Variants in GPC5 observed in about 807,000 individuals in gnomAD.
GPC5 encodes the protein glypican 5.
GPC5 carries 47 observed loss-of-function variants against 53.9 expected under a neutral mutation model. That is an observed-to-expected ratio of 0.87 (90% CI 0.69 to 1.11). GPC5 has a LOEUF of 1.11. GPC5 is among the 50% of genes most tolerant of loss of function. GPC5 has a pLI of 0.00. For missense variants in GPC5, 748 were observed against 713.1 expected (o/e 1.05, Z -0.56); for synonymous variants, 286 against 263.3 (o/e 1.09, Z -0.84).
intron 7 of GPC5, among the ~76,000 whole-genome samples, chr13:92,754,686 T>C (rs1205533762): frequency 2.0e-5 from 3 of 151,510 alleles, no homozygotes; most frequent in African/African-American, 7.3e-5. Context: ...AATCCTAGTC[T>C]CTGATAAAAC....
chr13:92,206,899 T>C (rs532460709), intron 7 of GPC5, among the ~76,000 whole-genome samples: 1 of 152,260 alleles, frequency 6.6e-6, no homozygotes, highest in South Asian at 2.1e-4. Flanking sequence ...CCTTGCCAGG[T>C]TCCAAAAGAT....
intron 3 of GPC5, among the ~76,000 whole-genome samples, chr13:91,697,557 T>G (rs917366411): frequency 6.6e-6 from 1 of 152,150 alleles, no homozygotes; most frequent in Non-Finnish European, 1.5e-5. Flanking sequence ...TCTTTATGAA[T>G]GAGAAAAAAT....
chr13:92,554,576 C>A (rs189834080), intron 7 of GPC5, among the ~76,000 whole-genome samples: 1 of 148,488 alleles, frequency 6.7e-6, no homozygotes. Context: ...AAATTCATCC[C>A]CAAAACTATT....
At chr13:92,506,734 C>G (rs927340472) in intron 7 of GPC5, among the ~76,000 whole-genome samples, 1 of 152,122 alleles carries the variant, frequency 6.6e-6, no homozygotes, top group Non-Finnish European at 1.5e-5. Context: ...CCGGGTGATT[C>G]ATTTGGAATC....
chr13:91,512,474 A>G (rs1885284282), intron 2 of GPC5, among the ~76,000 whole-genome samples: 1 of 152,194 alleles, frequency 6.6e-6, no homozygotes, highest in Non-Finnish European at 1.5e-5. Context: ...AAGCCCTGGC[A>G]TACTTTGAGG....
intron 2 of GPC5, among the ~76,000 whole-genome samples, chr13:91,615,094 G>A (rs1387626444): frequency 6.6e-6 from 1 of 150,620 alleles, no homozygotes; most frequent in Non-Finnish European, 1.5e-5. Context: ...GAGGCATTAG[G>A]ATTACAAACA....
At chr13:91,996,335 A>G (rs1022724660) in intron 6 of GPC5, 2 of 152,284 alleles carry the variant, frequency 1.3e-5, no homozygotes, top group Non-Finnish European at 2.9e-5. Context: ...AGCCCAGGCT[A>G]TAGCTAAGAC....
chr13:92,582,359 G>A (rs750185139), intron 7 of GPC5, among the ~76,000 whole-genome samples: 40 of 152,000 alleles, frequency 2.6e-4, no homozygotes, highest in Non-Finnish European at 4.6e-4. Context: ...GACCAAAAAT[G>A]AGTAGATGTT....
chr13:92,329,169 G>C (rs779012244), intron 7 of GPC5, among the ~76,000 whole-genome samples: 6 of 152,108 alleles, frequency 3.9e-5, no homozygotes, highest in Non-Finnish European at 7.4e-5. Flanking sequence ...TAAAGAAATA[G>C]CTGAGGCTGG....
At chr13:91,787,064 C>T (rs902631378) in intron 5 of GPC5, among the ~76,000 whole-genome samples, 5 of 151,624 alleles carry the variant, frequency 3.3e-5, no homozygotes, top group Non-Finnish European at 7.4e-5. Context: ...TACAAAATTG[C>T]TAAAGTTTCT....
intron 6 of GPC5, among the ~76,000 whole-genome samples, chr13:91,961,964 A>G (rs1410267336): frequency 2.0e-5 from 3 of 152,162 alleles, no homozygotes; most frequent in Non-Finnish European, 4.4e-5. Flanking sequence ...AACTTTTTCT[A>G]TATCTACATG....
chr13:92,311,558 C>T (rs926070844), intron 7 of GPC5, among the ~76,000 whole-genome samples: 3 of 152,184 alleles, frequency 2.0e-5, no homozygotes, highest in Non-Finnish European at 4.4e-5. Flanking sequence ...CACAGTGAAG[C>T]ATGGCTGGGG....
At chr13:92,755,566 AAT>A (rs1169519975) in intron 7 of GPC5, among the ~76,000 whole-genome samples, 1 of 150,810 alleles carries the variant, frequency 6.6e-6, no homozygotes, top group Non-Finnish European at 1.5e-5. Flanking sequence ...GGATCAACAA[AAT>A]AGATAGACTG....
intron 7 of GPC5, among the ~76,000 whole-genome samples, chr13:92,682,922 C>T (rs1887151282): frequency 6.6e-6 from 1 of 152,178 alleles, no homozygotes; most frequent in East Asian, 1.9e-4. Flanking sequence ...AGACAAAGCT[C>T]TTTTCTCCTC....
intron 6 of GPC5, among the ~76,000 whole-genome samples, chr13:92,089,414 A>G (rs2041361672): frequency 6.6e-6 from 1 of 152,214 alleles, no homozygotes; most frequent in African/African-American, 2.4e-5. Flanking sequence ...AGCCTGGGCA[A>G]CCATGCAAGA....
At chr13:92,295,096 C>G (rs960765513) in intron 7 of GPC5, among the ~76,000 whole-genome samples, 1 of 152,064 alleles carries the variant, frequency 6.6e-6, no homozygotes, top group Non-Finnish European at 1.5e-5. Context: ...TCCCAAAATG[C>G]TGACATTACA....
At chr13:92,667,287 T>A (rs2139198734) in intron 7 of GPC5, among the ~76,000 whole-genome samples, 1 of 152,142 alleles carries the variant, frequency 6.6e-6, no homozygotes, top group Non-Finnish European at 1.5e-5. Context: ...AGGATTGGTG[T>A]CATCTAGAGA....
At chr13:92,628,326 A>G (rs1885123951) in intron 7 of GPC5, among the ~76,000 whole-genome samples, 1 of 112,900 alleles carries the variant, frequency 8.9e-6, no homozygotes, top group African/African-American at 3.4e-5. Context: ...CCCAGGCTGG[A>G]GTGCAGTGGG....
At chr13:92,218,910 A>G (rs1266591651) in intron 7 of GPC5, among the ~76,000 whole-genome samples, 1 of 152,226 alleles carries the variant, frequency 6.6e-6, no homozygotes, top group Non-Finnish European at 1.5e-5. Context: ...CTTTGGGGGC[A>G]GAACCTGGAA....
Sources: gnomAD v4.1 joint callset for allele counts (sites outside exome capture counted in the v4.1 genomes callset) on GRCh38, gnomAD v4.1.1 for gene constraint, MANE v1.5 for transcripts, NCBI Gene and HGNC (gene_info 2026-07-23, HGNC 2026-07-21) for gene names.